Variants in LRRC55 observed in about 807,000 individuals in gnomAD.
LRRC55 encodes the protein leucine-rich repeat-containing protein 55.
A neutral mutation model predicts 20.5 loss-of-function variants in LRRC55; 11 were observed. The ratio of observed to expected loss-of-function variants is 0.54; its 90% CI spans 0.34 to 0.89. The LOEUF is 0.89. LRRC55 is among the 40% of genes least tolerant of loss of function. The pLI, the probability that LRRC55 is intolerant of heterozygous loss-of-function variation, is 0.02. For synonymous variants in LRRC55, 188 were observed against 166.6 expected, an observed-to-expected ratio of 1.13 and a Z score of -0.99; for missense variants, 358 against 390.9, an observed-to-expected ratio of 0.92 and a Z score of 0.71.
rs1407784377 is a variant in LRRC55, at chr11:57,188,749, T to C, written c.*1269T>C. ...CATCACCATTCCCTCTAGAGTTATATAAATTCAAATTCAACTAGAGCTGAC... is the reference window on the plus strand; with the variant it reads ...CATCACCATTCCCTCTAGAGTTATACAAATTCAAATTCAACTAGAGCTGAC... On this transcript the variant is annotated 3_prime_UTR_variant, in exon 2 of 2. Transcript: ENST00000497933. 1 of 152,246 alleles carries C rather than the reference T, an allele frequency of 6.6e-6. No homozygotes were observed. The highest frequency in any genetic ancestry group is 1.5e-5 in the Non-Finnish European group (1 of 68,050). 9.4% of individuals were successfully genotyped at this position (152,246 alleles called of 1,614,324 possible).
At position 57,185,634 on chromosome 11, in the gene LRRC55, G is replaced by C. The variant is rs954372597; in HGVS notation, c.662-1611G>C. Among the ~76,000 whole-genome samples, 4 of 151,398 alleles carry C rather than the reference G, an allele frequency of 2.6e-5. No individual in the cohort carries two copies. The East Asian group carries it at 7.7e-4, about 29-fold the overall frequency. ...CCCTTATTATACAGGCAGAGCATGA[G>C]AGCCAGAAAGACCAAAAAAAAAGAC... On this transcript the variant is annotated intron_variant, in intron 1 of 1. Coordinates refer to ENST00000497933, the MANE Select transcript of LRRC55 (RefSeq NM_001005210.4).
At position 57,188,678 on chromosome 11, in the gene LRRC55, A is replaced by C. The variant is rs567528161; in HGVS notation, c.*1198A>C. 1 of 152,330 alleles carries C rather than the reference A, an allele frequency of 6.6e-6. No individual in the cohort carries two copies. The highest frequency in any genetic ancestry group is 2.1e-4 in the South Asian group (1 of 4,820). 9.4% of individuals were successfully genotyped at this position (152,330 alleles called of 1,614,324 possible). A position where few individuals can be genotyped will look rare whatever the true frequency, so the allele number is the denominator to read the frequency against. Reference sequence around the variant, plus strand: ...GTTAAAGTCACATGCCACTATGAGCAAGATAAAGTCTGTGCTCTTTCTACT... The same window carrying C: ...GTTAAAGTCACATGCCACTATGAGCCAGATAAAGTCTGTGCTCTTTCTACT... On this transcript the variant is annotated 3_prime_UTR_variant, in exon 2 of 2. Transcript: ENST00000497933.
chr11:57,187,881 T>G lies in LRRC55; in HGVS notation c.*401T>G. 3.5e-6 allele frequency: 1 copy of G among 288,072 alleles called. No individual in the cohort carries two copies. Among genetic ancestry groups the G allele is most frequent in the Non-Finnish European group, 6.6e-6 (1 of 151,176 alleles). The allele number at this position is 288,072 out of a possible 1,614,324, so 17.8% of individuals were successfully genotyped here. On this transcript the variant is annotated 3_prime_UTR_variant, in exon 2 of 2. Transcript: ENST00000497933. ...CTGGGTCATCAGGAAATATCTACTT[T>G]GTCAGGTAGGCAAAGAAGGGTGTCT...
At chr11:57,183,895 A>G (rs1428275207) in intron 1 of LRRC55, among the ~76,000 whole-genome samples, 1 of 152,212 alleles carries the variant, frequency 6.6e-6, no homozygotes, top group African/African-American at 2.4e-5. Flanking sequence ...GGCCCTAGCC[A>G]CCAGCTCTCC....
intron 1 of LRRC55, among the ~76,000 whole-genome samples, chr11:57,184,469 T>G (rs1348974184): frequency 6.6e-6 from 1 of 152,162 alleles, no homozygotes. Context: ...CACAGGCCCA[T>G]GATGAGGAAG....
rs1854507802 is a variant in LRRC55 at position 57,191,315 on chromosome 11, A to G, written c.*3835A>G. 1 of 152,190 alleles carries G rather than the reference A, an allele frequency of 6.6e-6. No individual in the cohort carries two copies. The highest frequency in any genetic ancestry group is 1.5e-5 in the Non-Finnish European group (1 of 68,066). The allele number at this position is 152,190 out of a possible 1,614,324, so 9.4% of individuals were successfully genotyped here. A position where few individuals can be genotyped will look rare whatever the true frequency, so the allele number is the denominator to read the frequency against. On this transcript the variant is annotated 3_prime_UTR_variant, in exon 2 of 2. Transcript: ENST00000497933. ...AGACCTCCAGCTTCCATTTTCCCCT[A>G]TACGTGTCTGTGCTGACATCCTTTC...
chr11:57,182,739 C>A, intron 1 of LRRC55, 56 bp downstream of exon 1: 1 of 1,397,992 alleles, frequency 7.2e-7, no homozygotes, highest in Non-Finnish European at 9.4e-7. Context: ...CAATGGGAAG[C>A]AAAGGCTCCA....
Position 57,182,166 on chromosome 11 carries a change from G to A in LRRC55, c.144G>A (p.Val48=), listed in dbSNP as rs750274326. ...TCCTTTGCACATGCCGTAACCAGGTGGTGGATTGTAGCAGCCAGCGGCTAT... is the reference window on the plus strand; with the variant it reads ...TCCTTTGCACATGCCGTAACCAGGTAGTGGATTGTAGCAGCCAGCGGCTAT... ...CPVLCTCRNQ[V]VDCSSQRLFS... is the part of the protein sequence containing the mutation. Residue 48 remains valine, a synonymous_variant, in exon 1 of 2, where the codon GTG becomes GTA. Coordinates refer to ENST00000497933, the MANE Select transcript of LRRC55 (RefSeq NM_001005210.4). 1.2e-6 allele frequency: 2 copies of A among 1,614,156 alleles called. No individual in the cohort carries two copies. Among genetic ancestry groups the A allele is most frequent in the South Asian group, 2.2e-5 (2 of 91,076 alleles).
rs1378844957 is a variant in LRRC55 at position 57,191,038 on chromosome 11, T to C, written c.*3558T>C. On this transcript the variant is annotated 3_prime_UTR_variant, in exon 2 of 2. Transcript: ENST00000497933. ...CAGAGGATATCAAAGTTTAGTTTGG[T>C]CAAGATTTGGGCCAAGAAAATTCCT... The C allele has an allele frequency of 1.3e-5, 2 of 152,182 alleles. No individual in the cohort carries two copies. The highest frequency in any genetic ancestry group is 2.4e-5 in the African/African-American group (1 of 41,450). 9.4% of individuals were successfully genotyped at this position (152,182 alleles called of 1,614,324 possible).
At position 57,188,924 on chromosome 11, in the gene LRRC55, A is replaced by G. The variant is rs900684800; in HGVS notation, c.*1444A>G. On this transcript the variant is annotated 3_prime_UTR_variant, in exon 2 of 2. Transcript: ENST00000497933. ...CGTAGAGAGTTGAGTGACTTACCCA[A>G]GGTTGTCTGGATAAGCCCTAGAAGG... The G allele has an allele frequency of 8.5e-5, 13 of 152,176 alleles. No homozygotes were observed. The highest frequency in any genetic ancestry group is 2.9e-4 in the African/African-American group (12 of 41,434). 9.4% of individuals were successfully genotyped at this position (152,176 alleles called of 1,614,324 possible). A position where few individuals can be genotyped will look rare whatever the true frequency, so the allele number is the denominator to read the frequency against.
chr11:57,182,181 C>G lies in LRRC55; in HGVS notation c.159C>G (p.Ser53Arg), dbSNP rs746901027. The G allele has an allele frequency of 2.4e-5, 38 of 1,614,098 alleles. No individual in the cohort carries two copies. Among genetic ancestry groups the G allele is most frequent in the Non-Finnish European group, 3.2e-5 (38 of 1,180,046 alleles). Residue 53 changes from serine (S) to arginine (R), a missense_variant, in exon 1 of 2, where the codon AGC becomes AGG. Around this residue, in one of 3 missense-constraint regions of LRRC55, gnomAD observed 175 missense variants for 164.5 expected, o/e 1.06. Transcript: ENST00000497933. ...TCRNQVVDCSSQRLFSVPPDL... is the reference protein window; with the variant it reads ...TCRNQVVDCSRQRLFSVPPDL... ...GTAACCAGGTGGTGGATTGTAGCAG[C>G]CAGCGGCTATTCTCCGTGCCCCCAG...
rs1463932151 is a variant in LRRC55 at position 57,187,506 on chromosome 11, C to T, written c.*26C>T. ...CATGCCTGCCTCTCATCCCTCCATG[C>T]TGCTGACCGCCACAGCTGCTGGCCA... is the stretch of plus-strand genomic sequence containing the variant. On this transcript the variant is annotated 3_prime_UTR_variant, in exon 2 of 2. Coordinates refer to ENST00000497933, the MANE Select transcript of LRRC55 (RefSeq NM_001005210.4). The T allele has an allele frequency of 6.3e-7, 1 of 1,596,352 alleles. No individual in the cohort carries two copies. Among genetic ancestry groups the T allele is most frequent in the East Asian group, 2.2e-5 (1 of 44,618 alleles).
Position 57,187,737 on chromosome 11 carries a change from ATTCCCT to A in LRRC55, c.*260_*265del. 1 of 571,256 alleles carries A rather than the reference ATTCCCT, an allele frequency of 1.8e-6. No individual in the cohort carries two copies. The highest frequency in any genetic ancestry group is 3.1e-6 in the Non-Finnish European group (1 of 322,240). The allele number at this position is 571,256 out of a possible 1,614,324, so 35.4% of individuals were successfully genotyped here. A position where few individuals can be genotyped will look rare whatever the true frequency, so the allele number is the denominator to read the frequency against. On this transcript the variant is annotated 3_prime_UTR_variant, in exon 2 of 2. Transcript: ENST00000497933. Reference sequence around the variant, plus strand: ...GGTCAAGGAGAGAGATCCAAAAACTATTCCCTTTAAGACTATATGTCAGGACTCTGA... The same window carrying A: ...GGTCAAGGAGAGAGATCCAAAAACTATTAAGACTATATGTCAGGACTCTGA...
At position 57,190,660 on chromosome 11, in the gene LRRC55, T is replaced by C. The variant is rs1854496923; in HGVS notation, c.*3180T>C. 6.6e-6 allele frequency: 1 copy of C among 152,232 alleles called. No homozygotes were observed. Among genetic ancestry groups the C allele is most frequent in the African/African-American group, 2.4e-5 (1 of 41,462 alleles). The allele number at this position is 152,232 out of a possible 1,614,324, so 9.4% of individuals were successfully genotyped here. On this transcript the variant is annotated 3_prime_UTR_variant, in exon 2 of 2. Coordinates refer to ENST00000497933, the MANE Select transcript of LRRC55 (RefSeq NM_001005210.4). Reference sequence around the variant, plus strand: ...GGGACAGATCTCTCTAGAACTTGGGTTCAGTTCTCTGACATAGTCCACTCA... The same window carrying C: ...GGGACAGATCTCTCTAGAACTTGGGCTCAGTTCTCTGACATAGTCCACTCA...
rs769303455 is a variant in LRRC55 at position 57,182,139 on chromosome 11, C to A, written c.117C>A (p.Pro39=). The change falls in exon 1 of 2, where the codon CCC becomes CCA. Residue 39 remains proline, a synonymous_variant. Transcript: ENST00000497933. ...ACTCGGATGCCGGCACCAGCTGCCCCGTCCTTTGCACATGCCGTAACCAGG... is the reference window on the plus strand; with the variant it reads ...ACTCGGATGCCGGCACCAGCTGCCCAGTCCTTTGCACATGCCGTAACCAGG... The part of the protein sequence containing the change: ...LMHSDAGTSC[P]VLCTCRNQVV... The A allele has an allele frequency of 2.5e-6, 4 of 1,614,186 alleles. No homozygotes were observed. Among genetic ancestry groups the A allele is most frequent in the Non-Finnish European group, 3.4e-6 (4 of 1,180,036 alleles).
Position 57,187,707 on chromosome 11 carries a change from C to T in LRRC55, c.*227C>T, listed in dbSNP as rs1177704310. ...TCAGTCCCTGCCCTCAAGGCACTTC[C>T]CTCTGGTCAAGGAGAGAGATCCAAA... On this transcript the variant is annotated 3_prime_UTR_variant, in exon 2 of 2. Transcript: ENST00000497933. The T allele has an allele frequency of 2.8e-5, 17 of 603,908 alleles. No individual in the cohort carries two copies. In the South Asian group the frequency reaches 3.3e-4, roughly 12 times the overall value. 37.4% of individuals were successfully genotyped at this position (603,908 alleles called of 1,614,324 possible). A position where few individuals can be genotyped will look rare whatever the true frequency, so the allele number is the denominator to read the frequency against.
chr11:57,187,489 C>A lies in LRRC55; in HGVS notation c.*9C>A, dbSNP rs779797535. 2 of 1,609,858 alleles carry A rather than the reference C, an allele frequency of 1.2e-6. No homozygotes were observed. The highest frequency in any genetic ancestry group is 3.3e-5 in the Admixed American group (2 of 59,908). On this transcript the variant is annotated 3_prime_UTR_variant, in exon 2 of 2. Coordinates refer to ENST00000497933, the MANE Select transcript of LRRC55 (RefSeq NM_001005210.4). ...AAGAGGAAGAGATCTGACATGCCTG[C>A]CTCTCATCCCTCCATGCTGCTGACC...
In LRRC55 at chr11:57,187,403, G is replaced by T. The variant is rs1854447168; in HGVS notation, c.820G>T (p.Ala274Ser). 1 of 1,614,068 alleles carries T rather than the reference G, an allele frequency of 6.2e-7. No homozygotes were observed. Among genetic ancestry groups the T allele is most frequent in the Non-Finnish European group, 8.5e-7 (1 of 1,180,036 alleles). Reference protein sequence around the residue: ...VGFVVSIASVATNFLLGITAN... With the variant: ...VGFVVSIASVSTNFLLGITAN... ...CTTCGTGGTCTCCATTGCTTCTGTG[G>T]CCACCAACTTCCTCCTGGGCATCAC... is the stretch of plus-strand genomic sequence containing the variant. Residue 274 changes from alanine to serine, a missense_variant, in exon 2 of 2, where the codon GCC becomes TCC. Physicochemically the swap from Ala to Ser is moderately conservative, Grantham distance 99. Coordinates refer to ENST00000497933, the MANE Select transcript of LRRC55 (RefSeq NM_001005210.4).
intron 1 of LRRC55, 121 bp downstream of exon 1, chr11:57,182,804 G>A (rs1033023283): frequency 6.5e-6 from 7 of 1,073,420 alleles, no homozygotes; most frequent in Non-Finnish European, 7.5e-6. Flanking sequence ...TCTAATGTGG[G>A]CTTGCCTCTT....
Sources: allele counts gnomAD v4.1 joint callset (sites outside exome capture counted in the v4.1 genomes callset), GRCh38; gene constraint gnomAD v4.1.1; regional missense constraint gnomAD v4.1.1; transcripts MANE v1.5; gene names NCBI Gene and HGNC (gene_info 2026-07-23, HGNC 2026-07-21).